ATRNL1: variants seen among roughly 807,000 people sequenced by gnomAD.
ATRNL1 encodes attractin like 1, also known as attractin-like protein 1.
ATRNL1 carries 95 observed loss-of-function variants against 182.7 expected under a neutral mutation model. That is an observed-to-expected ratio of 0.52 (90% confidence interval 0.44 to 0.62). The LOEUF (loss-of-function observed/expected upper bound fraction) is 0.62, where lower values mean the gene tolerates loss of function less well. Ranked by LOEUF, ATRNL1 falls within the 20% of genes least tolerant of loss-of-function variation. The pLI is 0.00. For missense variants in ATRNL1, 1,471 were observed against 1,679.5 expected, an observed-to-expected ratio of 0.88 and a Z score of 2.17; for synonymous variants, 576 against 568.3, an observed-to-expected ratio of 1.01 and a Z score of -0.19.
chr10:115,838,787 C>T (rs1447496524), intron 27 of ATRNL1, among the ~76,000 whole-genome samples: 3 of 121,086 alleles, frequency 2.5e-5, no homozygotes, highest in Admixed American at 1.0e-4. Context: ...TAAGCAATTT[C>T]GCAGTATTTT....
At chr10:115,488,878 C>A (rs1554975772) in intron 24 of ATRNL1, among the ~76,000 whole-genome samples, 2 of 152,122 alleles carry the variant, frequency 1.3e-5, no homozygotes, top group Non-Finnish European at 2.9e-5. Context: ...ATAAATATCC[C>A]TCTACACACT....
At chr10:115,770,050 TTC>T (rs1157188508) in intron 27 of ATRNL1, among the ~76,000 whole-genome samples, 2 of 152,082 alleles carry the variant, frequency 1.3e-5, no homozygotes, top group Non-Finnish European at 2.9e-5. Flanking sequence ...TAATTTTATA[TTC>T]TCTTTCTTAA....
intron 28 of ATRNL1, among the ~76,000 whole-genome samples, chr10:115,917,589 T>G (rs545273348): frequency 6.6e-6 from 1 of 152,308 alleles, no homozygotes; most frequent in African/African-American, 2.4e-5. Flanking sequence ...GGTTTTTGGT[T>G]TTTTGTTTGT....
chr10:115,150,737 A>T (rs114013878), intron 5 of ATRNL1, among the ~76,000 whole-genome samples: 1,886 of 151,882 alleles, frequency 0.012, 35 homozygotes, highest in African/African-American at 0.042. Context: ...TTTTTTTATT[A>T]TTATACTTTA....
chr10:115,305,719 A>T (rs1445761199), intron 17 of ATRNL1, among the ~76,000 whole-genome samples: 1 of 152,194 alleles, frequency 6.6e-6, no homozygotes, highest in Non-Finnish European at 1.5e-5. Context: ...GTATAAAGTT[A>T]AAAAATAGTC....
At chr10:115,609,215 T>A (rs547407191) in intron 26 of ATRNL1, among the ~76,000 whole-genome samples, 46 of 152,270 alleles carry the variant, frequency 3.0e-4, no homozygotes, top group African/African-American at 1.1e-3. Flanking sequence ...ATTACAGAGC[T>A]TTCTCCAGAA....
At chr10:115,302,304 C>G (rs1439326690) in intron 17 of ATRNL1, among the ~76,000 whole-genome samples, 2 of 152,130 alleles carry the variant, frequency 1.3e-5, no homozygotes, top group African/African-American at 4.8e-5. Flanking sequence ...GTGTATGTTG[C>G]AGACAGTATA....
intron 6 of ATRNL1, among the ~76,000 whole-genome samples, chr10:115,164,724 G>C (rs1333702438): frequency 6.6e-6 from 1 of 152,098 alleles, no homozygotes; most frequent in Non-Finnish European, 1.5e-5. Flanking sequence ...ACCAGGCACA[G>C]AGAGACAAAT....
chr10:115,841,216 T>C (rs1384670711), intron 27 of ATRNL1, among the ~76,000 whole-genome samples: 1 of 152,132 alleles, frequency 6.6e-6, no homozygotes, highest in Non-Finnish European at 1.5e-5. Flanking sequence ...TGTCTCATTT[T>C]ACTTTCTGGG....
intron 27 of ATRNL1, among the ~76,000 whole-genome samples, chr10:115,844,605 C>A (rs1950886927): frequency 6.6e-6 from 1 of 151,964 alleles, no homozygotes; most frequent in Non-Finnish European, 1.5e-5. Flanking sequence ...AAGAGTACAA[C>A]AGTTTTAAAA....
At chr10:115,708,080 T>C (rs1376589067) in intron 26 of ATRNL1, among the ~76,000 whole-genome samples, 1 of 151,608 alleles carries the variant, frequency 6.6e-6, no homozygotes, top group East Asian at 1.9e-4. Context: ...GAAATTTATA[T>C]AAAATAATCA....
chr10:115,859,873 T>C (rs1332140055), intron 28 of ATRNL1, among the ~76,000 whole-genome samples: 1 of 152,228 alleles, frequency 6.6e-6, no homozygotes, highest in Non-Finnish European at 1.5e-5. Context: ...TTATATTAAC[T>C]CCTTAAGACC....
At chr10:115,235,623 A>G (rs1213403453) in intron 9 of ATRNL1, among the ~76,000 whole-genome samples, 1 of 152,126 alleles carries the variant, frequency 6.6e-6, no homozygotes, top group Non-Finnish European at 1.5e-5. Flanking sequence ...CCATATTTTA[A>G]AAATCTATTT....
intron 26 of ATRNL1, among the ~76,000 whole-genome samples, chr10:115,559,448 G>GCACACA (rs1307370435): frequency 7.7e-5 from 4 of 51,620 alleles, no homozygotes; most frequent in Non-Finnish European, 1.8e-4. Flanking sequence ...GTGTGTGCGC[G>GCACACA]CGCGCACGCA....
At chr10:115,754,365 G>C (rs181501301) in intron 27 of ATRNL1, among the ~76,000 whole-genome samples, 1 of 152,070 alleles carries the variant, frequency 6.6e-6, no homozygotes, top group South Asian at 2.1e-4. Context: ...TGTAAGGAAG[G>C]GATCCAGTTT....
chr10:115,422,148 G>A (rs1361517180), intron 20 of ATRNL1, among the ~76,000 whole-genome samples: 6 of 152,082 alleles, frequency 3.9e-5, no homozygotes, highest in African/African-American at 9.7e-5. Flanking sequence ...ATTTCATGAC[G>A]AATATGCCAA....
intron 28 of ATRNL1, among the ~76,000 whole-genome samples, chr10:115,892,359 T>A (rs1239248464): frequency 6.6e-6 from 1 of 152,160 alleles, no homozygotes; most frequent in Admixed American, 6.5e-5. Flanking sequence ...AAGTGTAATA[T>A]AAAAACAATC....
intron 25 of ATRNL1, among the ~76,000 whole-genome samples, chr10:115,536,431 T>G (rs529705434): frequency 6.6e-6 from 1 of 152,266 alleles, no homozygotes; most frequent in South Asian, 2.1e-4. Context: ...TGGGATATAA[T>G]CTCCTGGTGC....
At chr10:115,538,647 G>C (rs1232427891) in intron 25 of ATRNL1, among the ~76,000 whole-genome samples, 1 of 152,018 alleles carries the variant, frequency 6.6e-6, no homozygotes, top group Non-Finnish European at 1.5e-5. Flanking sequence ...TCTTTGAATT[G>C]TCTTTTCATT....
Sources: allele counts gnomAD v4.1 joint callset (sites outside exome capture counted in the v4.1 genomes callset), GRCh38; gene constraint gnomAD v4.1.1; transcripts MANE v1.5; gene names NCBI Gene and HGNC (gene_info 2026-07-23, HGNC 2026-07-21).